Variants in ADGRV1 observed in about 807,000 individuals in gnomAD.
ADGRV1 encodes G-protein coupled receptor 98.
A neutral mutation model predicts 596.2 loss-of-function variants in ADGRV1; 359 were observed. The ratio of observed to expected loss-of-function variants is 0.60; its 90% CI spans 0.55 to 0.66. The LOEUF (loss-of-function observed/expected upper bound fraction) is 0.66. Ranked by LOEUF, ADGRV1 falls within the 30% of genes least tolerant of loss-of-function variation. The pLI is 0.00. For missense variants in ADGRV1, 7,274 were observed against 7,575.6 expected (o/e 0.96, Z 1.48); for synonymous variants, 2,681 against 2,679.2 (o/e 1.00, Z -0.02).
chr5:90,931,547 T>G (rs564265110), intron 83 of ADGRV1, among the ~76,000 whole-genome samples: 3 of 152,310 alleles, frequency 2.0e-5, no homozygotes, highest in African/African-American at 7.2e-5. Flanking sequence ...GTAATATAAT[T>G]CTACCTGGAA....
chr5:91,144,406 A>G (rs1316525877), intron 87 of ADGRV1, among the ~76,000 whole-genome samples: 1 of 152,184 alleles, frequency 6.6e-6, no homozygotes, highest in Non-Finnish European at 1.5e-5. Flanking sequence ...CTTGGGCTCA[A>G]GCAATCCTCC....
intron 21 of ADGRV1, among the ~76,000 whole-genome samples, chr5:90,661,799 A>G (rs934809433): frequency 6.6e-6 from 1 of 152,188 alleles, no homozygotes; most frequent in African/African-American, 2.4e-5. Context: ...GTTTGTTTGT[A>G]TCATAATTCT....
chr5:90,852,914 G>A (rs1270025524), intron 79 of ADGRV1, among the ~76,000 whole-genome samples: 1 of 152,110 alleles, frequency 6.6e-6, no homozygotes, highest in Non-Finnish European at 1.5e-5. Flanking sequence ...CTCAGTGGGG[G>A]GACATGCTTT....
chr5:90,845,309 G>A (rs1035027325), intron 78 of ADGRV1, among the ~76,000 whole-genome samples: 3 of 152,214 alleles, frequency 2.0e-5, no homozygotes, highest in East Asian at 1.9e-4. Flanking sequence ...TTGTTGTGAA[G>A]AGTAGTTGCT....
At chr5:91,059,258 T>G (rs1337324370) in intron 85 of ADGRV1, among the ~76,000 whole-genome samples, 1 of 152,196 alleles carries the variant, frequency 6.6e-6, no homozygotes, top group Non-Finnish European at 1.5e-5. Context: ...TTTGGAAAAC[T>G]GAGCTGTGGA....
intron 83 of ADGRV1, among the ~76,000 whole-genome samples, chr5:90,902,140 C>A (rs1383202454): frequency 7.9e-5 from 12 of 152,048 alleles, no homozygotes; most frequent in Non-Finnish European, 4.4e-5. Context: ...AGGAAGATCC[C>A]TGGGTTGAAT....
intron 45 of ADGRV1, among the ~76,000 whole-genome samples, chr5:90,723,794 T>C (rs1214477099): frequency 1.3e-5 from 2 of 152,206 alleles, no homozygotes; most frequent in Non-Finnish European, 2.9e-5. Flanking sequence ...TCTTACTGCA[T>C]CATGTTCACA....
rs932102137 is a variant in ADGRV1 at position 90,811,011 on chromosome 5, T to A, written c.15751T>A (p.Phe5251Ile). The change falls in exon 74 of 90, where the codon TTT (phenylalanine) becomes ATT (isoleucine). Residue 5251 changes from phenylalanine to isoleucine, a missense_variant. This residue lies in a region of ADGRV1 where 1,874 missense variants were observed against 1,970.2 expected (regional missense o/e 0.95). Coordinates refer to ENST00000405460, the MANE Select transcript of ADGRV1 (RefSeq NM_032119.4). ...AEVLIRRTGGFTGNVSITVKT... is the reference protein window; with the variant it reads ...AEVLIRRTGGITGNVSITVKT... ...AGTTCTTATCCGAAGAACTGGTGGG[T>A]TTACTGGCAATGTCAGCATAACAGT... 2 of 1,613,962 alleles carry A rather than the reference T, an allele frequency of 1.2e-6. No individual in the cohort carries two copies. The highest frequency in any genetic ancestry group is 1.7e-6 in the Non-Finnish European group (2 of 1,179,892).
chr5:91,022,369 A>C (rs1415631493), intron 85 of ADGRV1, among the ~76,000 whole-genome samples: 1 of 152,072 alleles, frequency 6.6e-6, no homozygotes, highest in Admixed American at 6.6e-5. Flanking sequence ...AGTGGAGCCC[A>C]AATGGTGAGA....
Position 90,697,073 on chromosome 5 carries a change from C to T in ADGRV1, c.8082C>T (p.Asn2694=), listed in dbSNP as rs1280425314. 6.2e-7 allele frequency: 1 copy of T among 1,613,426 alleles called. No individual in the cohort carries two copies. Among genetic ancestry groups the T allele is most frequent in the Admixed American group, 1.7e-5 (1 of 59,982 alleles). The change falls in exon 34 of 90, where the codon AAC becomes AAT. Residue 2694 remains asparagine (N), a synonymous_variant. Transcript: ENST00000405460. ...CAAGCTCCGACACTGTTAGAGTGAA[C>T]ATTTTGGCCAATGACAATGTGGCAG... ...ILPSSDTVRV[N]ILANDNVAGI... is the part of the protein sequence containing the mutation.
At chr5:90,946,369 C>T (rs1219678815) in intron 83 of ADGRV1, among the ~76,000 whole-genome samples, 2 of 152,066 alleles carry the variant, frequency 1.3e-5, no homozygotes, top group Non-Finnish European at 2.9e-5. Context: ...ACAGGTAGAA[C>T]TTTGGCAAAA....
At chr5:91,140,754 T>C (rs1452018543) in intron 87 of ADGRV1, among the ~76,000 whole-genome samples, 1 of 152,192 alleles carries the variant, frequency 6.6e-6, no homozygotes, top group African/African-American at 2.4e-5. Flanking sequence ...TTGTAATCTG[T>C]TAAAAACTTA....
At chr5:90,833,418 G>A (rs376784718) in intron 77 of ADGRV1, among the ~76,000 whole-genome samples, 16 of 152,048 alleles carry the variant, frequency 1.1e-4, no homozygotes, top group Admixed American at 2.6e-4. Context: ...TCAAGTAGCC[G>A]TGACTACAAG....
intron 85 of ADGRV1, among the ~76,000 whole-genome samples, chr5:91,035,865 ATAT>A (rs1784855463): frequency 1.0e-5 from 1 of 98,932 alleles, no homozygotes; most frequent in Admixed American, 1.4e-4. Flanking sequence ...TATATATTAT[ATAT>A]ATATATATAT....
chr5:90,896,837 A>T (rs73771110), intron 83 of ADGRV1, among the ~76,000 whole-genome samples: 27,826 of 152,144 alleles, frequency 0.18, 3,902 homozygotes, highest in African/African-American at 0.38. Flanking sequence ...CCTTATCATG[A>T]ACTCCTTGTG....
intron 83 of ADGRV1, among the ~76,000 whole-genome samples, chr5:90,925,299 T>G (rs1212373351): frequency 2.7e-5 from 4 of 150,894 alleles, no homozygotes; most frequent in African/African-American, 4.9e-5. Context: ...TATCCTCTTT[T>G]ATTTCCTTGA....
At chr5:91,023,622 T>A (rs1344190386) in intron 85 of ADGRV1, among the ~76,000 whole-genome samples, 1 of 152,062 alleles carries the variant, frequency 6.6e-6, no homozygotes, top group East Asian at 1.9e-4. Flanking sequence ...CCATCCATGG[T>A]TTCTATTTCA....
chr5:90,896,267 G>GTTTTTTTTTT (rs547252109), intron 83 of ADGRV1, among the ~76,000 whole-genome samples: 1 of 84,858 alleles, frequency 1.2e-5, no homozygotes, highest in Non-Finnish European at 2.1e-5. Context: ...GTGACCAGTG[G>GTTTTTTTTTT]TTTTTTTTTT....
intron 29 of ADGRV1, among the ~76,000 whole-genome samples, chr5:90,687,259 T>C (rs1249572270): frequency 6.6e-6 from 1 of 152,218 alleles, no homozygotes; most frequent in Non-Finnish European, 1.5e-5. Context: ...CCATTGCTTT[T>C]GGTGTTTTAG....
Sources: gnomAD v4.1 joint callset for allele counts (sites outside exome capture counted in the v4.1 genomes callset) on GRCh38, gnomAD v4.1.1 for gene constraint, gnomAD v4.1.1 regional missense constraint, MANE v1.5 for transcripts, NCBI Gene and HGNC (gene_info 2026-07-23, HGNC 2026-07-21) for gene names.